The following POLR2B variants were observed in gnomAD, a reference collection of about 807,000 sequenced individuals.
POLR2B encodes RNA polymerase II subunit B, also known as DNA-directed RNA polymerase II subunit RPB2.
Under a neutral mutation model 144.6 loss-of-function variants are expected in POLR2B, and 57 were observed. The observed-to-expected ratio is 0.39, with a 90% CI of 0.32 to 0.49. The LOEUF is 0.49. Among genes scored for constraint, POLR2B ranks in the 20% least tolerant of loss-of-function variants. POLR2B has a pLI of 0.83. For synonymous variants in POLR2B, 442 were observed against 469.8 expected, an observed-to-expected ratio of 0.94 and a Z score of 0.77; for missense variants, 595 against 1,467.4, an observed-to-expected ratio of 0.41 and a Z score of 9.71.
chr4:56,992,558 C>CT (rs1199885316), intron 3 of POLR2B, among the ~76,000 whole-genome samples: 3 of 109,632 alleles, frequency 2.7e-5, no homozygotes, highest in Non-Finnish European at 5.6e-5. Flanking sequence ...TTTGGCTTAT[C>CT]TATTTTTTTT....
intron 23 of POLR2B, among the ~76,000 whole-genome samples, chr4:57,027,245 G>A (rs980773704): frequency 2.0e-5 from 3 of 152,112 alleles, no homozygotes; most frequent in Non-Finnish European, 4.4e-5. Flanking sequence ...TTGGCCTCAA[G>A]TGATCCGCCT....
intron 3 of POLR2B, among the ~76,000 whole-genome samples, chr4:56,992,711 C>G (rs1227403286): frequency 6.6e-6 from 1 of 151,002 alleles, no homozygotes; most frequent in African/African-American, 2.4e-5. Flanking sequence ...AGGCGCCTGC[C>G]ACCACGCCCG....
At chr4:57,014,793 G>A (rs1402878879) in intron 13 of POLR2B, among the ~76,000 whole-genome samples, 1 of 152,220 alleles carries the variant, frequency 6.6e-6, no homozygotes, top group East Asian at 1.9e-4. Flanking sequence ...TTGAGCCACC[G>A]TGCCTGGTCT....
intron 5 of POLR2B, 117 bp downstream of exon 5, chr4:56,994,983 A>G: frequency 1.4e-6 from 1 of 712,636 alleles, no homozygotes; most frequent in Non-Finnish European, 2.3e-6. Flanking sequence ...CCTGGCACTG[A>G]CAGTTGACTT....
At chr4:57,009,791 AT>A (rs1723133707) in intron 10 of POLR2B, 4 of 152,204 alleles carry the variant, frequency 2.6e-5, no homozygotes, top group African/African-American at 7.2e-5. Flanking sequence ...GAAGATGGAG[AT>A]TTATAAATAA....
At chr4:57,005,120 A>G (rs189388944) in intron 7 of POLR2B, 126 bp from the exon 8 acceptor site, 3 of 518,646 alleles carry the variant, frequency 5.8e-6, no homozygotes, top group Admixed American at 7.9e-5. Flanking sequence ...TTGATTTTCT[A>G]AAAATACTCA....
chr4:57,015,583 G>A lies in POLR2B; in HGVS notation c.1882G>A (p.Val628Met). The change falls in exon 14 of 25, where the codon GTG (valine) becomes ATG (methionine). Residue 628 changes from valine (V) to methionine (M), a missense_variant. By Grantham distance (21) the Val-to-Met change is conservative. This residue lies in a region of POLR2B where 59 missense variants were observed against 84.2 expected (regional missense o/e 0.70). Transcript: ENST00000314595. ...CCGTATTTGTAGACCACTTCTGATT[G>A]TGGAAAAACAAAAGCTACTTTTGAA... The part of the protein sequence containing the change: ...AGRICRPLLI[V>M]EKQKLLLKKR... 6.6e-7 allele frequency: 1 copy of A among 1,516,692 alleles called. No individual in the cohort carries two copies. The allele number at this position is 1,516,692 out of a possible 1,614,324, so 94.0% of individuals were successfully genotyped here. A position where few individuals can be genotyped will look rare whatever the true frequency, so the allele number is the denominator to read the frequency against.
chr4:57,031,000 G>T lies in POLR2B; in HGVS notation c.*12G>T. 1 of 1,445,050 alleles carries T rather than the reference G, an allele frequency of 6.9e-7. No individual in the cohort carries two copies. The highest frequency in any genetic ancestry group is 9.7e-7 in the Non-Finnish European group (1 of 1,025,916). The allele number at this position is 1,445,050 out of a possible 1,614,324, so 89.5% of individuals were successfully genotyped here. A position where few individuals can be genotyped will look rare whatever the true frequency, so the allele number is the denominator to read the frequency against. On this transcript the variant is annotated 3_prime_UTR_variant, in exon 25 of 25. Coordinates refer to ENST00000314595, the MANE Select transcript of POLR2B (RefSeq NM_000938.3). The stretch of plus-strand genomic sequence containing the variant: ...TGATGAGTGTTTAGCTATTTTACAG[G>T]AGTCAACAAGATAATTAAATATCTT...
intron 8 of POLR2B, 41 bp downstream of exon 8, chr4:57,005,483 C>T (rs889497649): frequency 2.0e-6 from 3 of 1,488,816 alleles, no homozygotes; most frequent in Non-Finnish European, 2.7e-6. Flanking sequence ...TATCAAGATA[C>T]AGTTGAGATA....
rs374848761 is a variant in POLR2B at position 57,026,363 on chromosome 4, A to G, written c.3239+826A>G. On this transcript the variant is annotated intron_variant, in intron 23 of 24. Coordinates refer to ENST00000314595, the MANE Select transcript of POLR2B (RefSeq NM_000938.3). ...AGTGTTGGAATTACAGGCGTGAACC[A>G]CTGCACCCAGCCCTCTTGATTATTT... is the stretch of plus-strand genomic sequence containing the variant. 5.3e-4 allele frequency among the ~76,000 whole-genome samples: 81 copies of G among 152,294 alleles called. 1 individual carries two copies. In the South Asian group the frequency reaches 0.014, roughly 26 times the overall value.
chr4:57,008,325 C>T (rs1351605098), intron 10 of POLR2B, among the ~76,000 whole-genome samples: 1 of 151,864 alleles, frequency 6.6e-6, no homozygotes, highest in Non-Finnish European at 1.5e-5. Flanking sequence ...GCCTCAGCCT[C>T]CCGAGTAGCT....
intron 6 of POLR2B, among the ~76,000 whole-genome samples, chr4:56,996,206 A>ATATGTGTGTGTGTGTGTGTG (rs71889513): frequency 1.1e-3 from 124 of 115,306 alleles, no homozygotes; most frequent in Non-Finnish European, 1.7e-3. Flanking sequence ...ATTTCAGTTC[A>ATATGTGTGTGTGTGTGTGTG]TGTGTGTGTG....
At chr4:57,018,280 T>C (rs554156867) in intron 16 of POLR2B, among the ~76,000 whole-genome samples, 1 of 152,096 alleles carries the variant, frequency 6.6e-6, no homozygotes, top group African/African-American at 2.4e-5. Flanking sequence ...GCATAAAGAG[T>C]AGATTACAAT....
chr4:57,030,704 G>A (rs1383876601), intron 24 of POLR2B, 195 bp from the exon 25 acceptor site: 2 of 565,758 alleles, frequency 3.5e-6, no homozygotes, highest in Admixed American at 3.2e-5. Flanking sequence ...TATAAATTAT[G>A]TCTGGCAGAA....
chr4:57,025,537 G>A lies in POLR2B; in HGVS notation c.3239G>A (p.Arg1080His), dbSNP rs991921949. 1.3e-6 allele frequency: 2 copies of A among 1,572,104 alleles called. No homozygotes were observed. Among genetic ancestry groups the A allele is most frequent in the South Asian group, 1.1e-5 (1 of 89,540 alleles). ...LNRQPMEGRSRDGGLRFGEME... is the reference protein window; with the variant it reads ...LNRQPMEGRSHDGGLRFGEME... ...AGACAGCCCATGGAGGGTAGATCTC[G>A]GTAAGAACTGTATCATCATCATTAT... Residue 1080 changes from arginine (R) to histidine (H), a missense_variant and splice_region_variant, in exon 23 of 25, where the codon CGT (arginine) becomes CAT (histidine). Arg to His is a conservative substitution (Grantham distance 29). This residue lies in a region of POLR2B where 65 missense variants were observed against 282.8 expected (regional missense o/e 0.23). Transcript: ENST00000314595.
rs750028865 is a variant in POLR2B, at chr4:57,030,923, G to T, written c.3460G>T (p.Ala1154Ser). ...GATTTCTTTGGTGCGAATGCCTTAC[G>T]CATGCAAACTATTGTTTCAGGAACT... Reference protein sequence around the residue: ...TQISLVRMPYACKLLFQELMS... With the variant: ...TQISLVRMPYSCKLLFQELMS... Residue 1154 changes from alanine (A) to serine (S), a missense_variant, in exon 25 of 25, where the codon GCA becomes TCA. Physicochemically the swap from Ala to Ser is moderately conservative, Grantham distance 99. Transcript: ENST00000314595. The T allele has an allele frequency of 1.9e-6, 3 of 1,607,632 alleles. No individual in the cohort carries two copies. In the South Asian group the frequency reaches 3.3e-5, roughly 18 times the overall value.
At chr4:56,995,560 C>T in intron 6 of POLR2B, 151 bp downstream of exon 6, 2 of 485,490 alleles carry the variant, frequency 4.1e-6, no homozygotes, top group Non-Finnish European at 7.2e-6. Flanking sequence ...ACAAATTACT[C>T]CTCTAGCAAC....
In POLR2B at chr4:57,006,866, T is replaced by G; in HGVS notation, c.1268T>G (p.Ile423Ser). The G allele has an allele frequency of 6.2e-7, 1 of 1,613,824 alleles. No individual in the cohort carries two copies. Among genetic ancestry groups the G allele is most frequent in the Non-Finnish European group, 8.5e-7 (1 of 1,179,728 alleles). ...GTGCGGATCTATGCACAGAAATTTA[T>G]TGATCGAGGAAAGGATTTTAACTTG... ...KEVRIYAQKF[I>S]DRGKDFNLEL... The change falls in exon 10 of 25, where the codon ATT (isoleucine) becomes AGT (serine). Residue 423 changes from isoleucine to serine, a missense_variant. Ile to Ser is a moderately radical substitution (Grantham distance 142). Around this residue, in one of 9 missense-constraint regions of POLR2B, gnomAD observed 251 missense variants for 567.3 expected, o/e 0.44. Transcript: ENST00000314595.
Position 57,006,801 on chromosome 4 carries a change from C to A in POLR2B, c.1218-15C>A. The A allele has an allele frequency of 1.3e-6, 2 of 1,578,892 alleles. No individual in the cohort carries two copies. Among genetic ancestry groups the A allele is most frequent in the South Asian group, 1.1e-5 (1 of 89,536 alleles). ...GACCTCTACATGTTTAAAATAATACCATTTTATTCGGCAGTATGTTTAAGA... is the reference window on the plus strand; with the variant it reads ...GACCTCTACATGTTTAAAATAATACAATTTTATTCGGCAGTATGTTTAAGA... On this transcript the variant is annotated splice_polypyrimidine_tract_variant and intron_variant, in intron 9 of 24. Coordinates refer to ENST00000314595, the MANE Select transcript of POLR2B (RefSeq NM_000938.3).
Sources: gnomAD v4.1 joint callset for allele counts (sites outside exome capture counted in the v4.1 genomes callset) on GRCh38, gnomAD v4.1.1 for gene constraint, gnomAD v4.1.1 regional missense constraint, MANE v1.5 for transcripts, NCBI Gene and HGNC (gene_info 2026-07-23, HGNC 2026-07-21) for gene names.